CTNNA3: variants seen among roughly 807,000 people sequenced by gnomAD.
The protein encoded by CTNNA3 is catenin alpha 3, also known as catenin alpha-3.
CTNNA3 carries 76 observed loss-of-function variants against 95.7 expected under a neutral mutation model. The observed-to-expected ratio is 0.79, with a 90% CI of 0.66 to 0.96. The LOEUF (loss-of-function observed/expected upper bound fraction) is 0.96. Ranked by LOEUF, CTNNA3 falls within the 40% of genes least tolerant of loss-of-function variation. The pLI is 0.00. For synonymous variants in CTNNA3, 431 were observed against 374.4 expected, an observed-to-expected ratio of 1.15 and a Z score of -1.74; for missense variants, 1,191 against 1,089.8, an observed-to-expected ratio of 1.09 and a Z score of -1.31.
chr10:66,153,688 G>A (rs1219667978), intron 13 of CTNNA3, among the ~76,000 whole-genome samples: 1 of 151,870 alleles, frequency 6.6e-6, no homozygotes, highest in Admixed American at 6.6e-5. Context: ...TGGATGCCAA[G>A]AGGATAGATT....
intron 15 of CTNNA3, among the ~76,000 whole-genome samples, chr10:66,066,167 AGAT>A (rs779187683): frequency 6.6e-6 from 1 of 152,080 alleles, no homozygotes; most frequent in African/African-American, 2.4e-5. Flanking sequence ...CTAGCCACCA[AGAT>A]GATATTATAA....
rs373002376 is a variant in CTNNA3 at position 66,910,646 on chromosome 10, C to T, written c.1048-135122G>A. The stretch of plus-strand genomic sequence containing the variant: ...ATAACATGTAAAGCCAACTCCATGG[C>T]GAGCAAAAACCATGAATAAGCTAGA... On this transcript the variant is annotated intron_variant, in intron 7 of 17. Transcript: ENST00000433211. Among the ~76,000 whole-genome samples, 108 of 152,264 alleles carry T rather than the reference C, an allele frequency of 7.1e-4. 1 individual carries two copies. The South Asian group carries it at 0.015, about 22-fold the overall frequency.
chr10:66,877,033 G>T (rs911295651), intron 7 of CTNNA3, among the ~76,000 whole-genome samples: 1 of 152,030 alleles, frequency 6.6e-6, no homozygotes, highest in Non-Finnish European at 1.5e-5. Context: ...CTCTGAAGAC[G>T]CTCAGGACAG....
At chr10:67,515,085 T>C (rs532185922) in intron 5 of CTNNA3, among the ~76,000 whole-genome samples, 7 of 152,294 alleles carry the variant, frequency 4.6e-5, no homozygotes, top group Middle Eastern at 3.4e-3. Flanking sequence ...AACTATCCAA[T>C]GTGGAAATCA....
chr10:66,858,737 C>T (rs568544956), intron 7 of CTNNA3, among the ~76,000 whole-genome samples: 123 of 151,612 alleles, frequency 8.1e-4, no homozygotes, highest in Non-Finnish European at 1.5e-3. Flanking sequence ...CGGTAATGTC[C>T]CTTTGTCAGT....
intron 7 of CTNNA3, among the ~76,000 whole-genome samples, chr10:67,134,287 A>G (rs1459543073): frequency 1.3e-5 from 2 of 152,128 alleles, no homozygotes; most frequent in African/African-American, 2.4e-5. Context: ...GGAACAATCT[A>G]TTAGTTAATT....
rs67324505 is a variant in CTNNA3, at chr10:67,647,146, TTATATATATA to T, written c.99+259_99+268del. On this transcript the variant is annotated intron_variant, in intron 2 of 17. Transcript: ENST00000433211. ...AATTTATATAAAGGTACTCTGAAAA[TTATATATATA>T]TATATATATATATATATATATTATT... Among the ~76,000 whole-genome samples, 353 of 136,486 alleles carry T rather than the reference TTATATATATA, an allele frequency of 2.6e-3. 3 individuals carry two copies. Among genetic ancestry groups the T allele is most frequent in the Middle Eastern group, 3.8e-3 (1 of 262 alleles). 89.5% of individuals were successfully genotyped at this position (136,486 alleles called of 152,430 possible).
At chr10:66,902,571 C>CA (rs1307314323) in intron 7 of CTNNA3, among the ~76,000 whole-genome samples, 7 of 151,968 alleles carry the variant, frequency 4.6e-5, no homozygotes, top group Non-Finnish European at 8.8e-5. Context: ...AAAAACACTT[C>CA]AAAAAATCAA....
At chr10:66,544,232 A>C (rs544305703) in intron 10 of CTNNA3, among the ~76,000 whole-genome samples, 69 of 152,100 alleles carry the variant, frequency 4.5e-4, no homozygotes, top group African/African-American at 1.6e-3. Context: ...CTCCTAGTAA[A>C]TTACCCTTTC....
chr10:66,082,335 A>T (rs2080797504), intron 14 of CTNNA3, among the ~76,000 whole-genome samples: 1 of 152,102 alleles, frequency 6.6e-6, no homozygotes, highest in Non-Finnish European at 1.5e-5. Flanking sequence ...TCCTCCAAAA[A>T]TGCATAACCT....
At chr10:66,166,498 CAAAA>C (rs35165850) in intron 13 of CTNNA3, among the ~76,000 whole-genome samples, 7 of 105,200 alleles carry the variant, frequency 6.7e-5, no homozygotes, top group Non-Finnish European at 1.9e-5. Context: ...CAGTCTGTCT[CAAAA>C]AAAAAAAAAA....
chr10:66,729,176 A>G (rs1469759816), intron 9 of CTNNA3, among the ~76,000 whole-genome samples: 1 of 152,224 alleles, frequency 6.6e-6, no homozygotes, highest in Non-Finnish European at 1.5e-5. Context: ...GAAGACATAC[A>G]TGGAGCCAAC....
At chr10:66,978,612 T>G (rs1334792214) in intron 7 of CTNNA3, among the ~76,000 whole-genome samples, 1 of 145,404 alleles carries the variant, frequency 6.9e-6, no homozygotes, top group Non-Finnish European at 1.5e-5. Flanking sequence ...AGATCTTATG[T>G]TAAGTGTTCT....
intron 5 of CTNNA3, among the ~76,000 whole-genome samples, chr10:67,435,674 TA>T (rs1846277375): frequency 6.6e-6 from 1 of 151,886 alleles, no homozygotes; most frequent in Admixed American, 6.6e-5. Flanking sequence ...TTCTATATAC[TA>T]ACAGCAACTA....
At chr10:67,651,304 A>G (rs1839871578) in intron 1 of CTNNA3, among the ~76,000 whole-genome samples, 1 of 152,054 alleles carries the variant, frequency 6.6e-6, no homozygotes, top group Non-Finnish European at 1.5e-5. Flanking sequence ...ATTATTGCAA[A>G]CTCAAGTCTC....
intron 5 of CTNNA3, among the ~76,000 whole-genome samples, chr10:67,242,623 A>G (rs1417393935): frequency 6.6e-6 from 1 of 152,212 alleles, no homozygotes; most frequent in Non-Finnish European, 1.5e-5. Context: ...ATATACTAGC[A>G]CAGATGTTTC....
rs543441461 is a variant in CTNNA3, at chr10:66,324,726, A to G, written c.1733-44105T>C. Among the ~76,000 whole-genome samples the G allele has an allele frequency of 2.6e-5, 4 of 152,146 alleles. No homozygotes were observed. The South Asian group carries it at 8.3e-4, about 32-fold the overall frequency. ...GGAACTCTTCAGTTTCATGATGACA[A>G]GATGCTCTGAGAAGCCATCATTTAA... On this transcript the variant is annotated intron_variant, in intron 12 of 17. Transcript: ENST00000433211.
intron 7 of CTNNA3, among the ~76,000 whole-genome samples, chr10:66,822,785 G>A (rs983067138): frequency 1.3e-5 from 2 of 152,190 alleles, no homozygotes; most frequent in Admixed American, 6.5e-5. Context: ...CCCTCTGCTA[G>A]TAAGACCTGC....
chr10:67,587,963 A>T lies in CTNNA3; in HGVS notation c.292+18894T>A, dbSNP rs536618730. On this transcript the variant is annotated intron_variant, in intron 3 of 17. Coordinates refer to ENST00000433211, the MANE Select transcript of CTNNA3 (RefSeq NM_013266.4). The stretch of plus-strand genomic sequence containing the variant: ...TTTAAAGATTTGTCTTCCAGTTCTC[A>T]AATTCTTTTTTCTACGTAGTCTAGT... Among the ~76,000 whole-genome samples, 62 of 152,040 alleles carry T rather than the reference A, an allele frequency of 4.1e-4. 2 individuals are homozygous for T. In the South Asian group the frequency reaches 0.012, roughly 30 times the overall value.
Sources: gnomAD v4.1 joint callset for allele counts (sites outside exome capture counted in the v4.1 genomes callset) on GRCh38, gnomAD v4.1.1 for gene constraint, MANE v1.5 for transcripts, NCBI Gene and HGNC (gene_info 2026-07-23, HGNC 2026-07-21) for gene names.